The following CFAP95 variants were observed in gnomAD, a reference collection of about 807,000 sequenced individuals.
CFAP95 encodes the protein cilia and flagella associated protein 95.
At chr9:69,878,423 C>A in the CFAP95 span, among the ~76,000 whole-genome samples, 1 of 152,330 alleles carries the variant, frequency 6.6e-6, no homozygotes, top group African/African-American at 2.4e-5. Context: ...GCCACCTCTC[C>A]TGTCTTCCAT....
chr9:69,870,737 G>A, the CFAP95 span, among the ~76,000 whole-genome samples: 1 of 152,144 alleles, frequency 6.6e-6, no homozygotes, highest in Non-Finnish European at 1.5e-5. Context: ...GTGTTGATTG[G>A]GCCAAACTAC....
chr9:69,830,476 T>C, the CFAP95 span, among the ~76,000 whole-genome samples: 1 of 152,212 alleles, frequency 6.6e-6, no homozygotes, highest in East Asian at 1.9e-4. Flanking sequence ...CTTCCTACAA[T>C]TGATGCTATT....
the CFAP95 span, chr9:69,856,745 G>A: frequency 1.6e-5 from 16 of 1,002,606 alleles, no homozygotes; most frequent in African/African-American, 2.3e-4. Context: ...TAGCAAAAAG[G>A]TATAGTGACC....
chr9:69,874,385 A>C, the CFAP95 span, among the ~76,000 whole-genome samples: 1 of 152,186 alleles, frequency 6.6e-6, no homozygotes, highest in African/African-American at 2.4e-5. Context: ...AATCAGAGCA[A>C]GGGGAGTTGG....
chr9:69,849,448 G>T, the CFAP95 span, among the ~76,000 whole-genome samples: 1 of 152,130 alleles, frequency 6.6e-6, no homozygotes, highest in African/African-American at 2.4e-5. Flanking sequence ...CCATTACTTT[G>T]CCAGGCATAA....
the CFAP95 span, among the ~76,000 whole-genome samples, chr9:69,901,198 C>T: frequency 6.6e-6 from 1 of 150,514 alleles, no homozygotes; most frequent in African/African-American, 2.5e-5. Context: ...AGTGCAGTGG[C>T]GCGATCTTGG....
the CFAP95 span, among the ~76,000 whole-genome samples, chr9:69,881,847 T>C: frequency 6.6e-6 from 1 of 152,186 alleles, no homozygotes; most frequent in Non-Finnish European, 1.5e-5. Flanking sequence ...CTCTCATCCA[T>C]GTTTTATAGT....
chr9:69,863,392 T>C, the CFAP95 span, among the ~76,000 whole-genome samples: 2 of 152,160 alleles, frequency 1.3e-5, no homozygotes, highest in Non-Finnish European at 2.9e-5. Context: ...TTATGGCATA[T>C]AGGAAAAGTA....
chr9:69,905,494 T>C, the CFAP95 span, among the ~76,000 whole-genome samples: 1 of 152,206 alleles, frequency 6.6e-6, no homozygotes, highest in South Asian at 2.1e-4. Flanking sequence ...TACAGCAATG[T>C]GTCAGAGCTT....
At chr9:69,891,443 T>C in the CFAP95 span, among the ~76,000 whole-genome samples, 1 of 152,064 alleles carries the variant, frequency 6.6e-6, no homozygotes, top group African/African-American at 2.4e-5. Flanking sequence ...CAAAGAAATA[T>C]ATTTTACAAC....
At chr9:69,825,621 C>T in the CFAP95 span, among the ~76,000 whole-genome samples, 2 of 152,088 alleles carry the variant, frequency 1.3e-5, no homozygotes, top group Non-Finnish European at 2.9e-5. Context: ...ATTTATGGAG[C>T]CATATCATCA....
chr9:69,892,547 G>T, the CFAP95 span, among the ~76,000 whole-genome samples: 1 of 152,194 alleles, frequency 6.6e-6, no homozygotes, highest in Admixed American at 6.5e-5. Context: ...AGCAGGTAGG[G>T]AAATACTGGG....
At chr9:69,850,481 T>C in the CFAP95 span, among the ~76,000 whole-genome samples, 1 of 152,210 alleles carries the variant, frequency 6.6e-6, no homozygotes, top group African/African-American at 2.4e-5. Context: ...AATAAAAATA[T>C]GACATTTAAA....
chr9:69,825,575 T>G, the CFAP95 span, among the ~76,000 whole-genome samples: 1 of 152,188 alleles, frequency 6.6e-6, no homozygotes, highest in Non-Finnish European at 1.5e-5. Context: ...GAGATGCCTT[T>G]TCTAGGAATT....
the CFAP95 span, among the ~76,000 whole-genome samples, chr9:69,891,679 G>T: frequency 6.6e-6 from 1 of 151,962 alleles, no homozygotes; most frequent in South Asian, 2.1e-4. Flanking sequence ...TTTTTAAAAA[G>T]AAATATCTTT....
At chr9:69,869,489 G>A in the CFAP95 span, among the ~76,000 whole-genome samples, 1 of 152,152 alleles carries the variant, frequency 6.6e-6, no homozygotes, top group Admixed American at 6.5e-5. Flanking sequence ...AGGGTACAAA[G>A]TTTCAGTCAT....
the CFAP95 span, among the ~76,000 whole-genome samples, chr9:69,903,322 C>T: frequency 1.3e-5 from 2 of 152,216 alleles, no homozygotes; most frequent in East Asian, 1.9e-4. Context: ...AACACTGAAC[C>T]TATTACTGTC....
chr9:69,857,885 T>TA, the CFAP95 span: 167 of 1,609,410 alleles, frequency 1.0e-4, 3 homozygotes, highest in South Asian at 1.5e-3. Context: ...ACAAGTTTTC[T>TA]AAAAAAATGT....
the CFAP95 span, among the ~76,000 whole-genome samples, chr9:69,823,667 C>T: frequency 2.0e-5 from 3 of 152,168 alleles, no homozygotes; most frequent in African/African-American, 7.2e-5. Flanking sequence ...TCTGTGTGAG[C>T]AACAAGGCTG....
Sources: gnomAD v4.1 joint callset for allele counts (sites outside exome capture counted in the v4.1 genomes callset) on GRCh38, gnomAD v4.1.1 for gene constraint, MANE v1.5 for transcripts, NCBI Gene and HGNC (gene_info 2026-07-23, HGNC 2026-07-21) for gene names.